HID1: variants seen among roughly 807,000 people sequenced by gnomAD.
HID1 encodes HID1 domain containing.
A neutral mutation model predicts 89.7 loss-of-function variants in HID1; 42 were observed. The ratio of observed to expected loss-of-function variants is 0.47; its 90% confidence interval spans 0.37 to 0.61. HID1 has a LOEUF of 0.61. HID1 is among the 20% of genes least tolerant of loss of function. The pLI is 0.00. For missense variants in HID1, 854 were observed against 1,039.3 expected (o/e 0.82, Z 2.45); for synonymous variants, 442 against 433.8 (o/e 1.02, Z -0.24).
chr17:74,955,075 A>T (rs1485930149), intron 13 of HID1: 4 of 155,944 alleles, frequency 2.6e-5, no homozygotes, highest in Non-Finnish European at 5.7e-5. Context: ...AACCATTGTT[A>T]TGAGCACCTT....
At position 74,951,243 on chromosome 17, in the gene HID1, C is replaced by T. The variant is rs780675082; in HGVS notation, c.*327G>A. On this transcript the variant is annotated 3_prime_UTR_variant, in exon 19 of 19. Transcript: ENST00000425042. ...GACCCATTGGCTTCTGCCTCTGGGG[C>T]TGGGTAGCACAGGAGTGGGTGGGCA... 3 of 386,904 alleles carry T rather than the reference C, an allele frequency of 7.8e-6. No homozygotes were observed. Among genetic ancestry groups the T allele is most frequent in the Non-Finnish European group, 9.4e-6 (2 of 213,396 alleles). The allele number at this position is 386,904 out of a possible 1,614,324, so 24.0% of individuals were successfully genotyped here.
Position 74,958,561 on chromosome 17 carries a change from TC to T in HID1, c.1241-84del. 6.3e-7 allele frequency: 1 copy of T among 1,580,818 alleles called. No individual in the cohort carries two copies. The highest frequency in any genetic ancestry group is 8.6e-7 in the Non-Finnish European group (1 of 1,158,862). ...GCAGTGACCATTTTGGAGGCCTCCC[TC>T]CTAGGAGGTCAGAGTGCCAGGCCTG... On this transcript the variant is annotated intron_variant, in intron 10 of 18. Coordinates refer to ENST00000425042, the MANE Select transcript of HID1 (RefSeq NM_030630.3). The surrounding 1 kb of genome is among the most constrained non-coding windows in gnomAD (Gnocchi z 5.2).
intron 3 of HID1, 31 bp from the exon 4 acceptor site, chr17:74,963,112 G>C: frequency 1.3e-6 from 2 of 1,508,320 alleles, no homozygotes; most frequent in Non-Finnish European, 1.8e-6. Context: ...GGCTGCCTCA[G>C]TGATAGCTGG....
At chr17:74,965,711 G>A (rs1272453209) in intron 1 of HID1, among the ~76,000 whole-genome samples, 1 of 152,124 alleles carries the variant, frequency 6.6e-6, no homozygotes, top group Non-Finnish European at 1.5e-5. Flanking sequence ...CTGATCAGGA[G>A]TTCGAGACCA....
At chr17:74,969,010 G>A (rs1255764998) in intron 1 of HID1, among the ~76,000 whole-genome samples, 2 of 152,116 alleles carry the variant, frequency 1.3e-5, no homozygotes, top group African/African-American at 4.8e-5. Context: ...TCCTCTCCTG[G>A]TCCCACTGTG....
Position 74,952,274 on chromosome 17 carries a change from A to G in HID1, c.2139T>C (p.Ile713=), listed in dbSNP as rs17853024. The change falls in exon 17 of 19, where the codon ATT becomes ATC. Residue 713 remains isoleucine (I), a synonymous_variant. Transcript: ENST00000425042. ...CCTGCCGGCGCCCGACTCACTTGTC[A>G]ATGCAGATCTTCTCCACCTGCGGAA... ...VLVPQVEKIC[I]DKGLTDESEI... The G allele has an allele frequency of 0.95, 1,536,955 of 1,612,944 alleles. 732,516 individuals carry two copies. The highest frequency in any genetic ancestry group is 1 in the East Asian group (44,803 of 44,812).
At chr17:74,952,193 A>G (rs1311099387) in intron 17 of HID1, 76 bp downstream of exon 17, 5 of 1,525,010 alleles carry the variant, frequency 3.3e-6, no homozygotes, top group Non-Finnish European at 4.5e-6. Flanking sequence ...CCCAGAGCCC[A>G]CCTGCCCACA....
Position 74,958,356 on chromosome 17 carries a change from T to A in HID1, c.1363A>T (p.Thr455Ser). The change falls in exon 11 of 19, where the codon ACA becomes TCA. Residue 455 changes from threonine (T) to serine (S), a missense_variant. Physicochemically the swap from Thr to Ser is moderately conservative, Grantham distance 58 (BLOSUM62 1). Coordinates refer to ENST00000425042, the MANE Select transcript of HID1 (RefSeq NM_030630.3). This position sits in a 1 kb window ranked among gnomAD's most constrained non-coding sequence, Gnocchi z 5.2. ...IRVPMDIPVFTGTHADLLIVV... is the reference protein window; with the variant it reads ...IRVPMDIPVFSGTHADLLIVV... Reference sequence around the variant, plus strand: ...ATGAGCAGGTCGGCGTGGGTCCCTGTGAAGACTGGGATGTCCATGGGCACG... The same window carrying A: ...ATGAGCAGGTCGGCGTGGGTCCCTGAGAAGACTGGGATGTCCATGGGCACG... 4 of 1,613,276 alleles carry A rather than the reference T, an allele frequency of 2.5e-6. No homozygotes were observed. The highest frequency in any genetic ancestry group is 3.4e-6 in the Non-Finnish European group (4 of 1,179,722).
At chr17:74,952,466 C>A in intron 16 of HID1, 106 bp from the exon 17 acceptor site, 2 of 747,000 alleles carry the variant, frequency 2.7e-6, no homozygotes, top group East Asian at 5.2e-5. Context: ...AGAAAGTACC[C>A]CTGCTCCTTG....
intron 12 of HID1, among the ~76,000 whole-genome samples, chr17:74,956,809 G>T (rs1412977187): frequency 6.6e-6 from 1 of 152,236 alleles, no homozygotes; most frequent in Non-Finnish European, 1.5e-5. Flanking sequence ...ACCCCAGGGA[G>T]CCTGGCTCCT....
intron 1 of HID1, among the ~76,000 whole-genome samples, chr17:74,968,252 C>T (rs1161519290): frequency 1.5e-5 from 2 of 134,960 alleles, no homozygotes; most frequent in Non-Finnish European, 3.2e-5. Flanking sequence ...AGTCTGGGTG[C>T]ACGTGCCTTG....
chr17:74,967,903 G>T, intron 1 of HID1: 1 of 151,096 alleles, frequency 6.6e-6, no homozygotes. Context: ...AGAAGTTGAA[G>T]ACCAGCCTGG....
At chr17:74,964,158 G>T (rs188863852) in intron 2 of HID1, 1 of 596,370 alleles carries the variant, frequency 1.7e-6, no homozygotes, top group Non-Finnish European at 3.0e-6. Context: ...GCCACTGGAT[G>T]GCTGAGGCCT....
chr17:74,965,269 T>C (rs925101882), intron 1 of HID1, among the ~76,000 whole-genome samples: 2 of 152,200 alleles, frequency 1.3e-5, no homozygotes, highest in Non-Finnish European at 2.9e-5. Context: ...GCCTCTATGC[T>C]GCTGCCAACG....
At chr17:74,961,762 C>G in intron 6 of HID1, 111 bp downstream of exon 6, 1 of 547,938 alleles carries the variant, frequency 1.8e-6, no homozygotes. Flanking sequence ...TTCATCACCA[C>G]CAGGGGGCAG....
At position 74,958,192 on chromosome 17, in the gene HID1, G is replaced by A. The variant is rs1249732509; in HGVS notation, c.1420C>T (p.His474Tyr). 3.7e-6 allele frequency: 6 copies of A among 1,611,248 alleles called. No homozygotes were observed. The highest frequency in any genetic ancestry group is 5.1e-6 in the Non-Finnish European group (6 of 1,179,036). ...VVFHKIITSG[H>Y]QRLQPLFDCL... ...TCGAAGAGGGGCTGCAACCGCTGGT[G>A]CCCGCTGGTGATGATCTTGTGGAAC... The change falls in exon 12 of 19, where the codon CAC (histidine) becomes TAC (tyrosine). Residue 474 changes from histidine to tyrosine, a missense_variant. Transcript: ENST00000425042. The surrounding 1 kb of genome is among the most constrained non-coding windows in gnomAD (Gnocchi z 5.2).
rs111414043 is a variant in HID1, at chr17:74,957,993, T to C, written c.1471+148A>G. ...ATTATTCAATTGTTGTCACCCTTTT[T>C]TTTTAATGTGGCTACTATGAAGGGT... is the stretch of plus-strand genomic sequence containing the variant. On this transcript the variant is annotated intron_variant, in intron 12 of 18. Transcript: ENST00000425042. 1.8e-3 allele frequency: 1,113 copies of C among 631,754 alleles called. 6 individuals are homozygous for C. The highest frequency in any genetic ancestry group is 0.014 in the Middle Eastern group (34 of 2,348). The allele number at this position is 631,754 out of a possible 1,614,324, so 39.1% of individuals were successfully genotyped here.
Position 74,958,509 on chromosome 17 carries a change from G to T in HID1, c.1241-31C>A. The T allele has an allele frequency of 6.4e-7, 1 of 1,573,474 alleles. No individual in the cohort carries two copies. The highest frequency in any genetic ancestry group is 1.2e-5 in the South Asian group (1 of 86,440). ...GCAGGTGGCGTGGGAGGGGTCACTC[G>T]GGTGGGAGGGGGAAGGAGGGGCCCA... On this transcript the variant is annotated intron_variant, in intron 10 of 18. Transcript: ENST00000425042. This position sits in a 1 kb window ranked among gnomAD's most constrained non-coding sequence, Gnocchi z 5.2.
At chr17:74,964,939 C>T (rs1050412171) in intron 1 of HID1, among the ~76,000 whole-genome samples, 1 of 152,234 alleles carries the variant, frequency 6.6e-6, no homozygotes, top group East Asian at 1.9e-4. Context: ...CCTGGCAAAG[C>T]AGGCTGACCT....
Sources: gnomAD v4.1 joint callset for allele counts (sites outside exome capture counted in the v4.1 genomes callset) on GRCh38, gnomAD v4.1.1 for gene constraint, Gnocchi (gnomAD v3.1) non-coding constraint, MANE v1.5 for transcripts, NCBI Gene and HGNC (gene_info 2026-07-23, HGNC 2026-07-21) for gene names.